Variants in PLPP6 observed in about 807,000 individuals in gnomAD.
PLPP6 encodes phospholipid phosphatase 6, also known as polyisoprenoid diphosphate/phosphate phosphohydrolase PLPP6.
In PLPP6, 16 loss-of-function variants were observed where a neutral mutation model predicts 16.5. That is an observed-to-expected ratio of 0.97 (90% confidence interval 0.66 to 1.47). The LOEUF (loss-of-function observed/expected upper bound fraction) is 1.47. PLPP6 is among the 40% of genes most tolerant of loss of function. PLPP6 has a pLI of 0.00. For missense variants in PLPP6, 512 were observed against 396.6 expected (o/e 1.29, Z -2.47); for synonymous variants, 226 against 188.1 (o/e 1.20, Z -1.65).
rs538206060 is a variant in PLPP6, at chr9:4,663,427, ACTGGC to A, written c.*166_*170del. Reference sequence around the variant, plus strand: ...GATGTGCTGCTAGGCTGGAGCACACACTGGCCATTACTGAACACAGCCATATTAGG... The same window carrying A: ...GATGTGCTGCTAGGCTGGAGCACACACATTACTGAACACAGCCATATTAGG... On this transcript the variant is annotated 3_prime_UTR_variant, in exon 1 of 1. Transcript: ENST00000381883. 2,007 of 733,128 alleles carry A rather than the reference ACTGGC, an allele frequency of 2.7e-3. 11 individuals carry two copies. Among genetic ancestry groups the A allele is most frequent in the Non-Finnish European group, 3.0e-3 (1,291 of 435,972 alleles). 45.4% of individuals were successfully genotyped at this position (733,128 alleles called of 1,614,324 possible). A position where few individuals can be genotyped will look rare whatever the true frequency, so the allele number is the denominator to read the frequency against.
At position 4,662,662 on chromosome 9, in the gene PLPP6, C is replaced by T. The variant is rs1161876100; in HGVS notation, c.287C>T (p.Pro96Leu). Residue 96 changes from proline (P) to leucine (L), a missense_variant, in exon 1 of 1, where the codon CCG becomes CTG. Transcript: ENST00000381883. The surrounding 1 kb of genome is among the most constrained non-coding windows in gnomAD (Gnocchi z 4.9). ...LPEEDRMDLN[P>L]SFLGIALRSL... Reference sequence around the variant, plus strand: ...GAGGAGGACCGCATGGACTTGAACCCGTCCTTCCTGGGCATCGCCCTGCGC... The same window carrying T: ...GAGGAGGACCGCATGGACTTGAACCTGTCCTTCCTGGGCATCGCCCTGCGC... 6.2e-7 allele frequency: 1 copy of T among 1,600,038 alleles called. No individual in the cohort carries two copies. The highest frequency in any genetic ancestry group is 8.5e-7 in the Non-Finnish European group (1 of 1,179,840).
rs781240995 is a variant in PLPP6 at position 4,662,574 on chromosome 9, C to T, written c.199C>T (p.Arg67Cys). The T allele has an allele frequency of 3.1e-6, 5 of 1,587,596 alleles. No individual in the cohort carries two copies. The East Asian group carries it at 9.0e-5, about 28-fold the overall frequency. Residue 67 changes from arginine to cysteine, a missense_variant, in exon 1 of 1, where the codon CGC (arginine) becomes TGC (cysteine). Transcript: ENST00000381883. The surrounding 1 kb of genome is among the most constrained non-coding windows in gnomAD (Gnocchi z 4.9). ...CCGTGCATCGGAGAGCCCAGTTCAC[C>T]GCCGCGGCTCCTTCCCCCTGGCCGC... Reference protein sequence around the residue: ...RLRASESPVHRRGSFPLAAAG... With the variant: ...RLRASESPVHCRGSFPLAAAG...
chr9:4,664,851 C>A lies in PLPP6; in HGVS notation c.*1588C>A, dbSNP rs965594204. 4 of 167,124 alleles carry A rather than the reference C, an allele frequency of 2.4e-5. No individual in the cohort carries two copies. The highest frequency in any genetic ancestry group is 5.9e-5 in the Non-Finnish European group (4 of 68,132). The allele number at this position is 167,124 out of a possible 1,614,324, so 10.4% of individuals were successfully genotyped here. A position where few individuals can be genotyped will look rare whatever the true frequency, so the allele number is the denominator to read the frequency against. On this transcript the variant is annotated 3_prime_UTR_variant, in exon 1 of 1. Transcript: ENST00000381883. ...CCATGCCTCAAAATCAAATCATTTG[C>A]ATTCCCACAGCATCCTGAATACCGA...
rs538673546 is a variant in PLPP6, at chr9:4,665,121, C to T, written c.*1858C>T. ...AGTTGCTGAGGCCTGAGTTTTCTGG[C>T]TCTTAAAGCATAGATCATTTCACCT... is the stretch of plus-strand genomic sequence containing the variant. On this transcript the variant is annotated 3_prime_UTR_variant, in exon 1 of 1. Transcript: ENST00000381883. 1 of 167,108 alleles carries T rather than the reference C, an allele frequency of 6.0e-6. No homozygotes were observed. The highest frequency in any genetic ancestry group is 1.9e-4 in the East Asian group (1 of 5,208). The allele number at this position is 167,108 out of a possible 1,614,324, so 10.4% of individuals were successfully genotyped here.
rs1387738530 is a variant in PLPP6, at chr9:4,663,905, A to G, written c.*642A>G. On this transcript the variant is annotated 3_prime_UTR_variant, in exon 1 of 1. Coordinates refer to ENST00000381883, the MANE Select transcript of PLPP6 (RefSeq NM_203453.5). The stretch of plus-strand genomic sequence containing the variant: ...GGATCGGGTAGTGGGAAAAGAGATT[A>G]TAATACTTGTCTTTCTCTCCTCTCC... 6.0e-5 allele frequency: 10 copies of G among 167,048 alleles called. No individual in the cohort carries two copies. The East Asian group carries it at 1.9e-3, about 32-fold the overall frequency. 10.3% of individuals were successfully genotyped at this position (167,048 alleles called of 1,614,324 possible).
At position 4,662,796 on chromosome 9, in the gene PLPP6, G is replaced by C. The variant is rs1490776864; in HGVS notation, c.421G>C (p.Gly141Arg). 2.5e-6 allele frequency: 4 copies of C among 1,605,138 alleles called. No homozygotes were observed. The highest frequency in any genetic ancestry group is 2.5e-6 in the Non-Finnish European group (3 of 1,179,948). Residue 141 changes from glycine (G) to arginine (R), a missense_variant, in exon 1 of 1, where the codon GGA becomes CGA. By Grantham distance (125) the Gly-to-Arg change is moderately radical. Transcript: ENST00000381883. This position sits in a 1 kb window ranked among gnomAD's most constrained non-coding sequence, Gnocchi z 4.9. ...CCTTATGAAGCTGCTGGAGATCTCG[G>C]GACACGGCATCCCCTGGCTGCTGGG... is the stretch of plus-strand genomic sequence containing the variant. ...RPLMKLLEIS[G>R]HGIPWLLGTL...
In PLPP6 at chr9:4,662,910, C is replaced by G. The variant is rs751675011; in HGVS notation, c.535C>G (p.Leu179Val). The part of the protein sequence containing the change: ...LLFALLLDLL[L>V]VALIKGLVRR... Reference sequence around the variant, plus strand: ...CTTCGCCCTGCTGTTGGACCTGCTGCTGGTGGCCTTGATCAAAGGGCTGGT... The same window carrying G: ...CTTCGCCCTGCTGTTGGACCTGCTGGTGGTGGCCTTGATCAAAGGGCTGGT... Residue 179 changes from leucine to valine, a missense_variant, in exon 1 of 1, where the codon CTG becomes GTG. By Grantham distance (32) the Leu-to-Val change is conservative. Transcript: ENST00000381883. The surrounding 1 kb of genome is among the most constrained non-coding windows in gnomAD (Gnocchi z 4.9). 20 of 1,609,474 alleles carry G rather than the reference C, an allele frequency of 1.2e-5. No homozygotes were observed. Among genetic ancestry groups the G allele is most frequent in the African/African-American group, 4.0e-5 (3 of 74,886 alleles).
rs976319314 is a variant in PLPP6 at position 4,662,304 on chromosome 9, C to A, written c.-72C>A. 1 of 1,435,394 alleles carries A rather than the reference C, an allele frequency of 7.0e-7. No homozygotes were observed. Among genetic ancestry groups the A allele is most frequent in the Admixed American group, 2.9e-5 (1 of 35,018 alleles). 88.9% of individuals were successfully genotyped at this position (1,435,394 alleles called of 1,614,324 possible). A position where few individuals can be genotyped will look rare whatever the true frequency, so the allele number is the denominator to read the frequency against. ...CCCCTCCGGGATGGTAGTGCGGAAG[C>A]GGAAGAGGCTGCAGGGCCGGGAAGC... On this transcript the variant is annotated 5_prime_UTR_variant, in exon 1 of 1. Coordinates refer to ENST00000381883, the MANE Select transcript of PLPP6 (RefSeq NM_203453.5). This position sits in a 1 kb window ranked among gnomAD's most constrained non-coding sequence, Gnocchi z 4.9.
In PLPP6 at chr9:4,663,293, G is replaced by A. The variant is rs780020557; in HGVS notation, c.*30G>A. On this transcript the variant is annotated 3_prime_UTR_variant, in exon 1 of 1. Transcript: ENST00000381883. ...ATCTCATTGATTATGGCACCAGGAA[G>A]TCTGAAGGTTTCCACATTCGATGAT... 1 of 1,594,094 alleles carries A rather than the reference G, an allele frequency of 6.3e-7. No homozygotes were observed. Among genetic ancestry groups the A allele is most frequent in the South Asian group, 1.1e-5 (1 of 88,532 alleles).
rs752356978 is a variant in PLPP6, at chr9:4,663,108, G to A, written c.733G>A (p.Val245Ile). The change falls in exon 1 of 1, where the codon GTC becomes ATC. Residue 245 changes from valine to isoleucine, a missense_variant. Transcript: ENST00000381883. ...GGTGCTGGTGGTTCTGTGGGCCTTC[G>A]TCTTGGGCCTATCCAGGGTCATGCT... ...LRVLVVLWAFVLGLSRVMLGR... is the reference protein window; with the variant it reads ...LRVLVVLWAFILGLSRVMLGR... 8 of 1,614,078 alleles carry A rather than the reference G, an allele frequency of 5.0e-6. No homozygotes were observed. Among genetic ancestry groups the A allele is most frequent in the African/African-American group, 1.3e-5 (1 of 75,030 alleles).
In PLPP6 at chr9:4,662,657, G is replaced by T. The variant is rs1158490354; in HGVS notation, c.282G>T (p.Leu94Phe). 1 of 1,599,878 alleles carries T rather than the reference G, an allele frequency of 6.3e-7. No homozygotes were observed. Among genetic ancestry groups the T allele is most frequent in the East Asian group, 2.2e-5 (1 of 44,856 alleles). Residue 94 changes from leucine to phenylalanine, a missense_variant, in exon 1 of 1, where the codon TTG becomes TTT. Leu to Phe is a conservative substitution (Grantham distance 22). Coordinates refer to ENST00000381883, the MANE Select transcript of PLPP6 (RefSeq NM_203453.5). This position sits in a 1 kb window ranked among gnomAD's most constrained non-coding sequence, Gnocchi z 4.9. ...PPLPEEDRMD[L>F]NPSFLGIALR... is the part of the protein sequence containing the mutation. ...TGCCCGAGGAGGACCGCATGGACTT[G>T]AACCCGTCCTTCCTGGGCATCGCCC...
chr9:4,662,913 G>A lies in PLPP6; in HGVS notation c.538G>A (p.Val180Met). 1.9e-6 allele frequency: 3 copies of A among 1,609,798 alleles called. No individual in the cohort carries two copies. Among genetic ancestry groups the A allele is most frequent in the Non-Finnish European group, 2.5e-6 (3 of 1,179,982 alleles). ...LFALLLDLLL[V>M]ALIKGLVRRR... ...CGCCCTGCTGTTGGACCTGCTGCTGGTGGCCTTGATCAAAGGGCTGGTCCG... is the reference window on the plus strand; with the variant it reads ...CGCCCTGCTGTTGGACCTGCTGCTGATGGCCTTGATCAAAGGGCTGGTCCG... The change falls in exon 1 of 1, where the codon GTG becomes ATG. Residue 180 changes from valine to methionine, a missense_variant. Physicochemically the swap from Val to Met is conservative, Grantham distance 21 (BLOSUM62 1). Transcript: ENST00000381883. This position sits in a 1 kb window ranked among gnomAD's most constrained non-coding sequence, Gnocchi z 4.9.
rs1475170918 is a variant in PLPP6, at chr9:4,662,825, C to T, written c.450C>T (p.Thr150=). The change falls in exon 1 of 1, where the codon ACC becomes ACT. Residue 150 remains threonine, a synonymous_variant. Transcript: ENST00000381883. The surrounding 1 kb of genome is among the most constrained non-coding windows in gnomAD (Gnocchi z 4.9). ...SGHGIPWLLG[T]LYCLCRSDSW... is the part of the protein sequence containing the mutation. ...ACGGCATCCCCTGGCTGCTGGGCAC[C>T]CTCTACTGCCTGTGCAGGAGCGACA... 1.2e-6 allele frequency: 2 copies of T among 1,604,926 alleles called. No homozygotes were observed. The highest frequency in any genetic ancestry group is 1.7e-6 in the Non-Finnish European group (2 of 1,179,946).
rs1840480704 is a variant in PLPP6 at position 4,664,086 on chromosome 9, CT to C, written c.*825del. ...AGGAAGAATGGGACATGGCCCCATGCTTATTTTTGTTTACAACGTAACATGG... is the reference window on the plus strand; with the variant it reads ...AGGAAGAATGGGACATGGCCCCATGCTATTTTTGTTTACAACGTAACATGG... On this transcript the variant is annotated 3_prime_UTR_variant, in exon 1 of 1. Transcript: ENST00000381883. 1 of 167,058 alleles carries C rather than the reference CT, an allele frequency of 6.0e-6. No individual in the cohort carries two copies. Among genetic ancestry groups the C allele is most frequent in the Non-Finnish European group, 1.5e-5 (1 of 68,124 alleles). The allele number at this position is 167,058 out of a possible 1,614,324, so 10.3% of individuals were successfully genotyped here.
rs537696223 is a variant in PLPP6 at position 4,663,234 on chromosome 9, G to A, written c.859G>A (p.Val287Ile). The A allele has an allele frequency of 5.0e-6, 8 of 1,614,016 alleles. No individual in the cohort carries two copies. The South Asian group carries it at 6.6e-5, about 13-fold the overall frequency. ...CTGGCTCTCACCCCATAATGCTCCG[G>A]TCCTCTTTTTACTGTGGAGTCAACG... The part of the protein sequence containing the change: ...YCWLSPHNAP[V>I]LFLLWSQR Residue 287 changes from valine (V) to isoleucine (I), a missense_variant, in exon 1 of 1, where the codon GTC becomes ATC. Val to Ile is a conservative substitution (Grantham distance 29). Coordinates refer to ENST00000381883, the MANE Select transcript of PLPP6 (RefSeq NM_203453.5).
At position 4,663,470 on chromosome 9, in the gene PLPP6, A is replaced by G. The variant is rs1840352680; in HGVS notation, c.*207A>G. The G allele has an allele frequency of 1.8e-6, 1 of 558,770 alleles. No individual in the cohort carries two copies. The highest frequency in any genetic ancestry group is 3.2e-6 in the Non-Finnish European group (1 of 311,798). 34.6% of individuals were successfully genotyped at this position (558,770 alleles called of 1,614,324 possible). A position where few individuals can be genotyped will look rare whatever the true frequency, so the allele number is the denominator to read the frequency against. On this transcript the variant is annotated 3_prime_UTR_variant, in exon 1 of 1. Coordinates refer to ENST00000381883, the MANE Select transcript of PLPP6 (RefSeq NM_203453.5). ...CAGCCATATTAGGGAAAGCAAAAAA[A>G]CCCAAAAAATCCTCTATTGTATATT...
rs1479755603 is a variant in PLPP6, at chr9:4,664,928, G to C, written c.*1665G>C. On this transcript the variant is annotated 3_prime_UTR_variant, in exon 1 of 1. Transcript: ENST00000381883. Reference sequence around the variant, plus strand: ...AAACTGTGAAGCTCTAAGTGGTTTGGGTTTGTTGTTTAACCTTAGCGAGAT... The same window carrying C: ...AAACTGTGAAGCTCTAAGTGGTTTGCGTTTGTTGTTTAACCTTAGCGAGAT... The C allele has an allele frequency of 6.0e-6, 1 of 167,076 alleles. No homozygotes were observed. Among genetic ancestry groups the C allele is most frequent in the Non-Finnish European group, 1.5e-5 (1 of 68,128 alleles). The allele number at this position is 167,076 out of a possible 1,614,324, so 10.3% of individuals were successfully genotyped here. A position where few individuals can be genotyped will look rare whatever the true frequency, so the allele number is the denominator to read the frequency against.
In PLPP6 at chr9:4,662,518, C is replaced by T. The variant is rs763459517; in HGVS notation, c.143C>T (p.Ala48Val). The T allele has an allele frequency of 6.4e-7, 1 of 1,561,136 alleles. No homozygotes were observed. Residue 48 changes from alanine (A) to valine (V), a missense_variant, in exon 1 of 1, where the codon GCC becomes GTC. By Grantham distance (64) the Ala-to-Val change is moderately conservative. Coordinates refer to ENST00000381883, the MANE Select transcript of PLPP6 (RefSeq NM_203453.5). This position sits in a 1 kb window ranked among gnomAD's most constrained non-coding sequence, Gnocchi z 4.9. ...FEFQSLLSSR[A>V]TAVDPTCARL... ...TTCCAGTCCCTGCTCAGCAGCCGCGCCACGGCCGTGGACCCCACCTGCGCC... is the reference window on the plus strand; with the variant it reads ...TTCCAGTCCCTGCTCAGCAGCCGCGTCACGGCCGTGGACCCCACCTGCGCC...
In PLPP6 at chr9:4,662,548, T is replaced by C; in HGVS notation, c.173T>C (p.Leu58Pro). 1 of 1,573,892 alleles carries C rather than the reference T, an allele frequency of 6.4e-7. No homozygotes were observed. The highest frequency in any genetic ancestry group is 1.3e-5 in the African/African-American group (1 of 74,150). ...ATAVDPTCAR[L>P]RASESPVHRR... ...GCCGTGGACCCCACCTGCGCCCGGC[T>C]CCGTGCATCGGAGAGCCCAGTTCAC... Residue 58 changes from leucine to proline, a missense_variant, in exon 1 of 1, where the codon CTC becomes CCC. Physicochemically the swap from Leu to Pro is moderately conservative, Grantham distance 98. Coordinates refer to ENST00000381883, the MANE Select transcript of PLPP6 (RefSeq NM_203453.5). This position sits in a 1 kb window ranked among gnomAD's most constrained non-coding sequence, Gnocchi z 4.9.
Sources: allele counts gnomAD v4.1 joint callset, GRCh38; gene constraint gnomAD v4.1.1; non-coding constraint Gnocchi (gnomAD v3.1); transcripts MANE v1.5; gene names NCBI Gene and HGNC (gene_info 2026-07-23, HGNC 2026-07-21).